Variants in USP34 observed in about 807,000 individuals in gnomAD.
The protein encoded by USP34 is ubiquitin specific peptidase 34, also known as ubiquitin carboxyl-terminal hydrolase 34.
A neutral mutation model predicts 460.3 loss-of-function variants in USP34; 70 were observed. The observed-to-expected ratio is 0.15, with a 90% CI of 0.13 to 0.19. The LOEUF (loss-of-function observed/expected upper bound fraction) is 0.19, where lower values mean the gene tolerates loss of function less well. Among genes scored for constraint, USP34 ranks in the 10% least tolerant of loss-of-function variants. The pLI, the probability that USP34 is intolerant of heterozygous loss-of-function variation, is 1.00. For synonymous variants in USP34, 1,647 were observed against 1,405.3 expected, an observed-to-expected ratio of 1.17 and a Z score of -3.85; for missense variants, 3,985 against 4,236.2, an observed-to-expected ratio of 0.94 and a Z score of 1.65.
chr2:61,367,773 G>A (rs1157627190), intron 10 of USP34, among the ~76,000 whole-genome samples: 2 of 151,968 alleles, frequency 1.3e-5, no homozygotes, highest in East Asian at 1.9e-4. Flanking sequence ...CTTTGAGACT[G>A]TGAATAATGC....
chr2:61,430,425 A>G lies in USP34; in HGVS notation c.44-9592T>C, dbSNP rs576334617. On this transcript the variant is annotated intron_variant, in intron 1 of 79. Coordinates refer to ENST00000398571, the MANE Select transcript of USP34 (RefSeq NM_014709.4). ...TCAAAAAATAATAATAATAAAATAC[A>G]TTTAAAAATAAAGCTTAGGTGACAA... Among the ~76,000 whole-genome samples, 7 of 152,210 alleles carry G rather than the reference A, an allele frequency of 4.6e-5. No homozygotes were observed. In the East Asian group the frequency reaches 1.2e-3, roughly 25 times the overall value.
chr2:61,289,183 A>G (rs901605481), intron 33 of USP34, among the ~76,000 whole-genome samples: 1 of 152,144 alleles, frequency 6.6e-6, no homozygotes, highest in African/African-American at 2.4e-5. Flanking sequence ...TTGAAAAAAC[A>G]TACTGCTCAT....
rs567239963 is a variant in USP34, at chr2:61,236,224, T to C, written c.6855A>G (p.Gln2285=). The C allele has an allele frequency of 1.2e-5, 20 of 1,610,478 alleles. No homozygotes were observed. The highest frequency in any genetic ancestry group is 1.1e-4 in the East Asian group (5 of 44,724). The change falls in exon 55 of 80, where the codon CAA becomes CAG. Residue 2285 remains glutamine, a synonymous_variant. Transcript: ENST00000398571. ...FEHTYFGFMW[Q]LCSCIPSTLP... The stretch of plus-strand genomic sequence containing the variant: ...ATGTACTGGGAATACAACTACACAA[T>C]TGCCACATAAATCTAGAATTTAAAA...
intron 1 of USP34, among the ~76,000 whole-genome samples, chr2:61,440,826 TA>T (rs1694943084): frequency 1.3e-5 from 2 of 151,300 alleles, no homozygotes; most frequent in African/African-American, 2.4e-5. Flanking sequence ...CCTACTTTTT[TA>T]ATTTAAAAAA....
chr2:61,291,945 A>C (rs1689866417), intron 33 of USP34, among the ~76,000 whole-genome samples: 3 of 152,154 alleles, frequency 2.0e-5, no homozygotes, highest in African/African-American at 7.2e-5. Context: ...GGCTAAGTGA[A>C]AGAAACCAGT....
intron 31 of USP34, 21 bp from the exon 32 acceptor site, chr2:61,295,053 GT>G (rs1318448830): frequency 6.2e-7 from 1 of 1,607,622 alleles, no homozygotes; most frequent in East Asian, 2.2e-5. Flanking sequence ...GGCAAAAAAA[GT>G]AAGGCAGAAT....
chr2:61,287,674 C>G (rs988851145), intron 34 of USP34, among the ~76,000 whole-genome samples: 3 of 152,166 alleles, frequency 2.0e-5, no homozygotes, highest in Non-Finnish European at 2.9e-5. Flanking sequence ...TTAACACTTT[C>G]TTTTCTCTAG....
Position 61,470,970 on chromosome 2 carries a change from G to A in USP34, c.-278C>T, listed in dbSNP as rs1695944072. Among the ~76,000 whole-genome samples, 1 of 140,080 alleles carries A rather than the reference G, an allele frequency of 7.1e-6. No homozygotes were observed. Among genetic ancestry groups the A allele is most frequent in the South Asian group, 2.4e-4 (1 of 4,176 alleles). 91.9% of individuals were successfully genotyped at this position (140,080 alleles called of 152,430 possible). A position where few individuals can be genotyped will look rare whatever the true frequency, so the allele number is the denominator to read the frequency against. On this transcript the variant is annotated 5_prime_UTR_variant, in exon 1 of 80. Transcript: ENST00000398571. ...CGGCGGGGAAGGGGGGGAAGGACGG[G>A]GGGAGGGGAGAGGGGGGGAGGGGGC...
intron 1 of USP34, among the ~76,000 whole-genome samples, chr2:61,437,697 C>T (rs868625406): frequency 3.3e-5 from 5 of 151,868 alleles, no homozygotes; most frequent in South Asian, 2.1e-4. Context: ...GGCTTGAACA[C>T]GGGAGGCGGA....
At chr2:61,320,249 C>T (rs1201519250) in intron 21 of USP34, among the ~76,000 whole-genome samples, 1 of 152,134 alleles carries the variant, frequency 6.6e-6, no homozygotes, top group Admixed American at 6.5e-5. Flanking sequence ...AAATCGTATC[C>T]CAGCATCTCA....
chr2:61,256,780 A>G (rs945270568), intron 47 of USP34, 93 bp downstream of exon 47: 31 of 968,242 alleles, frequency 3.2e-5, no homozygotes, highest in Non-Finnish European at 4.1e-5. Context: ...AAACATGAAA[A>G]AAGTTTAAAA....
intron 6 of USP34, 36 bp downstream of exon 6, chr2:61,383,233 C>G (rs1004793935): frequency 1.4e-6 from 2 of 1,435,780 alleles, no homozygotes; most frequent in Admixed American, 1.9e-5. Context: ...ATATATTACA[C>G]TGATAATCGG....
At chr2:61,347,101 C>A (rs1394825241) in intron 15 of USP34, among the ~76,000 whole-genome samples, 3 of 152,042 alleles carry the variant, frequency 2.0e-5, no homozygotes, top group Non-Finnish European at 4.4e-5. Context: ...GATCGTGCCA[C>A]TGCACTCCGG....
intron 53 of USP34, among the ~76,000 whole-genome samples, chr2:61,239,300 T>TCTCTCA (rs1213558114): frequency 2.4e-4 from 32 of 132,856 alleles, no homozygotes; most frequent in African/African-American, 8.9e-4. Context: ...GAGGGCCCTG[T>TCTCTCA]CACACACACA....
intron 10 of USP34, among the ~76,000 whole-genome samples, chr2:61,356,688 T>TA (rs1692118174): frequency 1.3e-5 from 2 of 152,120 alleles, no homozygotes; most frequent in South Asian, 4.1e-4. Context: ...GAAAGTAGAA[T>TA]AGAGGTTACA....
intron 78 of USP34, chr2:61,189,350 G>C (rs1021329410): frequency 4.3e-6 from 1 of 231,718 alleles, no homozygotes; most frequent in African/African-American, 2.3e-5. Flanking sequence ...TCGGCTCGCT[G>C]CAACCTCCAC....
chr2:61,340,948 A>C (rs1045565995), intron 16 of USP34, among the ~76,000 whole-genome samples: 1 of 150,746 alleles, frequency 6.6e-6, no homozygotes, highest in Admixed American at 6.6e-5. Context: ...CAAGATGGAG[A>C]ACGTTTCTAT....
intron 23 of USP34, among the ~76,000 whole-genome samples, chr2:61,315,939 C>A (rs1450337783): frequency 6.6e-6 from 1 of 151,914 alleles, no homozygotes. Context: ...GTGGCTCACG[C>A]CTCTAATTGC....
intron 51 of USP34, among the ~76,000 whole-genome samples, chr2:61,244,255 G>C (rs1688360243): frequency 6.6e-6 from 1 of 152,144 alleles, no homozygotes; most frequent in Admixed American, 6.5e-5. Context: ...TCAGAAAATT[G>C]ATACTAGGAT....
Sources: allele counts gnomAD v4.1 joint callset (sites outside exome capture counted in the v4.1 genomes callset), GRCh38; gene constraint gnomAD v4.1.1; transcripts MANE v1.5; gene names NCBI Gene and HGNC (gene_info 2026-07-23, HGNC 2026-07-21).